The following WWOX variants were observed in gnomAD, a reference collection of about 807,000 sequenced individuals.
WWOX encodes the protein WW domain-containing oxidoreductase.
A neutral mutation model predicts 46.2 loss-of-function variants in WWOX; 69 were observed. That is an observed-to-expected ratio of 1.49 (90% confidence interval 1.23 to 1.82). WWOX has a LOEUF of 1.82. Ranked by LOEUF, WWOX falls within the 40% of genes most tolerant of loss-of-function variation. The pLI, the probability that WWOX is intolerant of heterozygous loss-of-function variation, is 0.00. For missense variants in WWOX, 919 were observed against 542.6 expected (o/e 1.69, Z -6.89); for synonymous variants, 359 against 202.6 (o/e 1.77, Z -6.56).
chr16:78,880,939 T>C (rs980034329), intron 8 of WWOX, among the ~76,000 whole-genome samples: 4 of 152,076 alleles, frequency 2.6e-5, no homozygotes, highest in African/African-American at 4.8e-5. Context: ...GCACTTTTTT[T>C]TTTCATTATG....
chr16:79,106,152 T>A (rs2049303741), intron 8 of WWOX, among the ~76,000 whole-genome samples: 2 of 152,174 alleles, frequency 1.3e-5, no homozygotes, highest in South Asian at 4.1e-4. Flanking sequence ...ACCTACTGCG[T>A]CTGGGGGCAG....
At chr16:78,916,743 T>G (rs994969319) in intron 8 of WWOX, among the ~76,000 whole-genome samples, 1 of 152,222 alleles carries the variant, frequency 6.6e-6, no homozygotes, top group Non-Finnish European at 1.5e-5. Context: ...AAACTAAGTG[T>G]CTGATAAATT....
chr16:78,386,631 G>A lies in WWOX; in HGVS notation c.517-229G>A, dbSNP rs1046015509. On this transcript the variant is annotated intron_variant, in intron 5 of 8. Transcript: ENST00000566780. The stretch of plus-strand genomic sequence containing the variant: ...GAAACACAGCACAACCCACCCCCCC[G>A]CCCCACCCCCCAGCCTGTAGGTTTA... Among the ~76,000 whole-genome samples the A allele has an allele frequency of 3.8e-3, 224 of 59,396 alleles. 1 individual carries two copies. Among genetic ancestry groups the A allele is most frequent in the African/African-American group, 0.013 (211 of 16,286 alleles). The allele number at this position is 59,396 out of a possible 152,430, so 39.0% of individuals were successfully genotyped here.
intron 8 of WWOX, among the ~76,000 whole-genome samples, chr16:79,151,289 A>C (rs1235766141): frequency 6.6e-6 from 1 of 152,172 alleles, no homozygotes; most frequent in Non-Finnish European, 1.5e-5. Flanking sequence ...TTTCCAAGTA[A>C]AGGCGTTATT....
At chr16:79,117,219 C>G (rs928917749) in intron 8 of WWOX, among the ~76,000 whole-genome samples, 8 of 152,052 alleles carry the variant, frequency 5.3e-5, no homozygotes, top group African/African-American at 1.9e-4. Context: ...CCGTGTTGCC[C>G]AGGCTGGTCT....
At chr16:79,144,333 T>C (rs1255329034) in intron 8 of WWOX, among the ~76,000 whole-genome samples, 3 of 152,224 alleles carry the variant, frequency 2.0e-5, no homozygotes, top group African/African-American at 7.2e-5. Context: ...GAGAAATTAA[T>C]AGCACCTGCC....
chr16:78,603,321 A>G (rs776520375), intron 8 of WWOX, among the ~76,000 whole-genome samples: 7 of 152,196 alleles, frequency 4.6e-5, no homozygotes, highest in Non-Finnish European at 8.8e-5. Context: ...ACCAGCATCA[A>G]CTGCACCAAA....
At chr16:79,100,872 G>C (rs888650964) in intron 8 of WWOX, among the ~76,000 whole-genome samples, 1 of 152,010 alleles carries the variant, frequency 6.6e-6, no homozygotes, top group East Asian at 1.9e-4. Flanking sequence ...GTATTAACAA[G>C]ATGTCCACTG....
chr16:78,815,012 C>T (rs1403377043), intron 8 of WWOX, among the ~76,000 whole-genome samples: 2 of 152,178 alleles, frequency 1.3e-5, no homozygotes, highest in East Asian at 1.9e-4. Flanking sequence ...GGTGTCACTT[C>T]ACCACCTTCC....
At chr16:78,169,473 GAGATCTC>G (rs775039347) in intron 5 of WWOX, among the ~76,000 whole-genome samples, 3 of 82,038 alleles carry the variant, frequency 3.7e-5, no homozygotes, top group Admixed American at 1.1e-4. Context: ...CAGGACCTCT[GAGATCTC>G]AGGACCTCTG....
rs1567659785 is a variant in WWOX at position 78,934,528 on chromosome 16, AAAAG to A, written c.1057-277076_1057-277073del. On this transcript the variant is annotated intron_variant, in intron 8 of 8. Coordinates refer to ENST00000566780, the MANE Select transcript of WWOX (RefSeq NM_016373.4). ...TGTATCAAAAAAAAAAAAAAAAAAA[AAAAG>A]AAACACAACTTACCAAACCAAGAAA... Among the ~76,000 whole-genome samples, 3 of 149,672 alleles carry A rather than the reference AAAAG, an allele frequency of 2.0e-5. 1 individual carries two copies. The highest frequency in any genetic ancestry group is 4.2e-4 in the South Asian group (2 of 4,772).
intron 8 of WWOX, chr16:78,897,830 C>T (rs986943205): frequency 2.6e-5 from 4 of 152,130 alleles, no homozygotes; most frequent in African/African-American, 4.8e-5. Flanking sequence ...CTCATCAGCA[C>T]TTTGTAATTT....
rs1441070776 is a variant in WWOX at position 78,349,156 on chromosome 16, C to T, written c.517-37704C>T. ...TGCTTGCAGACAGCCGCCTTCCCAC[C>T]GTGTTCTCACGTGACCTAGCCGCTG... On this transcript the variant is annotated intron_variant, in intron 5 of 8. Transcript: ENST00000566780. 2.5e-5 allele frequency among the ~76,000 whole-genome samples: 3 copies of T among 120,942 alleles called. 1 individual carries two copies. Among genetic ancestry groups the T allele is most frequent in the South Asian group, 2.5e-4 (1 of 4,002 alleles). 79.3% of individuals were successfully genotyped at this position (120,942 alleles called of 152,430 possible).
intron 8 of WWOX, among the ~76,000 whole-genome samples, chr16:78,978,573 C>T (rs2046617978): frequency 6.6e-6 from 1 of 152,136 alleles, no homozygotes; most frequent in African/African-American, 2.4e-5. Context: ...TTAATTGGCT[C>T]ATGATTCTGC....
chr16:78,212,566 C>T (rs2036591209), intron 5 of WWOX, among the ~76,000 whole-genome samples: 1 of 152,156 alleles, frequency 6.6e-6, no homozygotes, highest in African/African-American at 2.4e-5. Flanking sequence ...TGGGTGAGTT[C>T]ACCTAGGTCC....
chr16:78,358,080 A>G (rs1364642879), intron 5 of WWOX, among the ~76,000 whole-genome samples: 1 of 152,188 alleles, frequency 6.6e-6, no homozygotes, highest in Non-Finnish European at 1.5e-5. Flanking sequence ...TACACTTGGA[A>G]CTAGTTCTTT....
intron 8 of WWOX, among the ~76,000 whole-genome samples, chr16:78,634,468 G>T (rs2046515402): frequency 6.6e-6 from 1 of 152,144 alleles, no homozygotes; most frequent in African/African-American, 2.4e-5. Flanking sequence ...AGCACTTTGG[G>T]AGGGCGAGGC....
At chr16:78,977,881 T>C (rs9928956) in intron 8 of WWOX, among the ~76,000 whole-genome samples, 21,748 of 152,138 alleles carry the variant, frequency 0.14, 1,824 homozygotes, top group East Asian at 0.29. Flanking sequence ...TCCCCTACTT[T>C]TAAAAAATTG....
At chr16:79,160,828 A>C (rs2050471597) in intron 8 of WWOX, among the ~76,000 whole-genome samples, 1 of 152,232 alleles carries the variant, frequency 6.6e-6, no homozygotes, top group South Asian at 2.1e-4. Context: ...ATATGTAGAC[A>C]TGTATAGATG....
Sources: allele counts gnomAD v4.1 joint callset (sites outside exome capture counted in the v4.1 genomes callset), GRCh38; gene constraint gnomAD v4.1.1; transcripts MANE v1.5; gene names NCBI Gene and HGNC (gene_info 2026-07-23, HGNC 2026-07-21).